The following LRMDA variants were observed in gnomAD, a reference collection of about 807,000 sequenced individuals.
LRMDA encodes the protein leucine rich melanocyte differentiation associated.
In LRMDA, 18 loss-of-function variants were observed where a neutral mutation model predicts 29.8. The observed-to-expected ratio is 0.60, with a 90% CI of 0.42 to 0.90. The LOEUF is 0.90. LRMDA is among the 40% of genes least tolerant of loss of function. The pLI, the probability that LRMDA is intolerant of heterozygous loss-of-function variation, is 0.00. For synonymous variants in LRMDA, 125 were observed against 109.4 expected (o/e 1.14, Z -0.89); for missense variants, 273 against 273.9 (o/e 1.00, Z 0.02).
chr10:75,819,871 A>G lies in LRMDA; in HGVS notation c.132-216137A>G, dbSNP rs546252747. ...GAGCACTTGAAAATATGGCAAATTG[A>G]GATGTGCCATAAGTGTAAAATACAC... On this transcript the variant is annotated intron_variant, in intron 2 of 6. Transcript: ENST00000611255. Among the ~76,000 whole-genome samples, 64 of 152,318 alleles carry G rather than the reference A, an allele frequency of 4.2e-4. No homozygotes were observed. In the South Asian group the frequency reaches 0.013, roughly 30 times the overall value.
chr10:75,464,206 G>A (rs921254224), intron 2 of LRMDA, among the ~76,000 whole-genome samples: 2 of 152,244 alleles, frequency 1.3e-5, no homozygotes, highest in Non-Finnish European at 2.9e-5. Flanking sequence ...CTCTGGGGCT[G>A]TAGGGGTCGG....
chr10:76,160,573 G>A (rs1310303248), intron 5 of LRMDA, among the ~76,000 whole-genome samples: 1 of 152,126 alleles, frequency 6.6e-6, no homozygotes, highest in African/African-American at 2.4e-5. Context: ...TAGATTAGCT[G>A]TGTGTTGATT....
intron 2 of LRMDA, chr10:75,451,739 A>G (rs761852163): frequency 2.6e-5 from 4 of 152,308 alleles, no homozygotes; most frequent in Admixed American, 1.3e-4. Context: ...AAAAGAAAAG[A>G]GAGACTTTAA....
chr10:76,278,847 T>C (rs1840167918), intron 5 of LRMDA, among the ~76,000 whole-genome samples: 1 of 152,196 alleles, frequency 6.6e-6, no homozygotes, highest in Non-Finnish European at 1.5e-5. Flanking sequence ...CTTTAAATAG[T>C]GATTTGGTGC....
intron 6 of LRMDA, among the ~76,000 whole-genome samples, chr10:76,546,109 G>A (rs1843418314): frequency 6.6e-6 from 1 of 152,202 alleles, no homozygotes; most frequent in Non-Finnish European, 1.5e-5. Context: ...GTCCAGGGAT[G>A]TATAATAAAT....
At chr10:76,538,500 GTATA>G (rs747983445) in intron 6 of LRMDA, among the ~76,000 whole-genome samples, 1 of 138,550 alleles carries the variant, frequency 7.2e-6, no homozygotes, top group Non-Finnish European at 1.5e-5. Context: ...AGTTATATAT[GTATA>G]TATATATGTA....
chr10:76,159,113 G>T (rs73285275), intron 5 of LRMDA, among the ~76,000 whole-genome samples: 2 of 151,994 alleles, frequency 1.3e-5, no homozygotes, highest in Admixed American at 1.3e-4. Context: ...AAACTGATTC[G>T]TGTTCTTTAT....
chr10:76,004,987 A>G (rs1191370220), intron 2 of LRMDA, among the ~76,000 whole-genome samples: 2 of 152,116 alleles, frequency 1.3e-5, no homozygotes, highest in African/African-American at 4.8e-5. Flanking sequence ...TCGGCCTCCC[A>G]AAGTGCTGGG....
chr10:75,508,260 T>A (rs968818134), intron 2 of LRMDA, among the ~76,000 whole-genome samples: 1 of 39,030 alleles, frequency 2.6e-5, no homozygotes, highest in Admixed American at 4.2e-4. Context: ...TATGGTGGTG[T>A]TTTTTTCCCC....
intron 1 of LRMDA, among the ~76,000 whole-genome samples, chr10:75,436,073 AAG>A (rs10536787): frequency 0.24 from 35,129 of 146,832 alleles, 5,649 homozygotes; most frequent in Non-Finnish European, 0.36. Flanking sequence ...AAAAAAAAAA[AAG>A]AGAGAGAGAA....
At chr10:76,090,363 G>A (rs1015285328) in intron 5 of LRMDA, among the ~76,000 whole-genome samples, 3 of 152,208 alleles carry the variant, frequency 2.0e-5, no homozygotes, top group Admixed American at 1.3e-4. Context: ...TTGTTTGGTT[G>A]CTTATGGGCA....
chr10:76,064,238 A>G (rs1848748584), intron 5 of LRMDA, among the ~76,000 whole-genome samples: 1 of 152,190 alleles, frequency 6.6e-6, no homozygotes, highest in Admixed American at 6.5e-5. Context: ...GGGATTATTT[A>G]TGATGGGAAA....
intron 2 of LRMDA, among the ~76,000 whole-genome samples, chr10:75,997,840 T>A (rs1386821035): frequency 6.6e-6 from 1 of 152,220 alleles, no homozygotes; most frequent in Non-Finnish European, 1.5e-5. Context: ...TTAACGAAAT[T>A]GTCATTCTGC....
intron 2 of LRMDA, among the ~76,000 whole-genome samples, chr10:75,744,689 C>T (rs746975841): frequency 6.6e-6 from 1 of 152,136 alleles, no homozygotes; most frequent in African/African-American, 2.4e-5. Context: ...CTTAGATCTG[C>T]CAATTTGTAG....
chr10:75,984,615 C>T lies in LRMDA; in HGVS notation c.132-51393C>T, dbSNP rs187243382. 5.9e-3 allele frequency among the ~76,000 whole-genome samples: 902 copies of T among 152,332 alleles called. 6 individuals carry two copies. Among genetic ancestry groups the T allele is most frequent in the Non-Finnish European group, 6.1e-3 (412 of 68,020 alleles). On this transcript the variant is annotated intron_variant, in intron 2 of 6. Coordinates refer to ENST00000611255, the MANE Select transcript of LRMDA (RefSeq NM_001305581.2). ...GGCCCTGTGTGGGGGACCAAGGGAC[C>T]GCATCATCCTACATAAGATCAGCGC...
At chr10:75,693,591 C>T (rs949260294) in intron 2 of LRMDA, among the ~76,000 whole-genome samples, 6 of 152,296 alleles carry the variant, frequency 3.9e-5, no homozygotes, top group Admixed American at 1.3e-4. Context: ...AAGATTTGAT[C>T]GATGGAGTCG....
intron 2 of LRMDA, among the ~76,000 whole-genome samples, chr10:75,938,575 C>A (rs1846334793): frequency 6.6e-6 from 1 of 152,172 alleles, no homozygotes; most frequent in African/African-American, 2.4e-5. Flanking sequence ...TGCCTTCCCC[C>A]TACCTCTGGA....
intron 5 of LRMDA, among the ~76,000 whole-genome samples, chr10:76,089,522 C>T (rs1849194493): frequency 6.6e-6 from 1 of 152,206 alleles, no homozygotes. Flanking sequence ...GGAATCATGG[C>T]TCTGTCTGGC....
intron 3 of LRMDA, among the ~76,000 whole-genome samples, chr10:76,037,225 T>A (rs940596682): frequency 2.0e-5 from 3 of 152,254 alleles, no homozygotes; most frequent in Non-Finnish European, 4.4e-5. Flanking sequence ...AAGTCCAATG[T>A]CTGCATTCTA....
Sources: gnomAD v4.1 joint callset for allele counts (sites outside exome capture counted in the v4.1 genomes callset) on GRCh38, gnomAD v4.1.1 for gene constraint, MANE v1.5 for transcripts, NCBI Gene and HGNC (gene_info 2026-07-23, HGNC 2026-07-21) for gene names.